SLC4A5: variants seen among roughly 807,000 people sequenced by gnomAD.
SLC4A5 encodes electrogenic sodium bicarbonate cotransporter 4.
A neutral mutation model predicts 120.4 loss-of-function variants in SLC4A5; 96 were observed. The ratio of observed to expected loss-of-function variants is 0.80; its 90% CI spans 0.68 to 0.94. The LOEUF is 0.94. SLC4A5 is among the 40% of genes least tolerant of loss of function. SLC4A5 has a pLI of 0.00. For missense variants in SLC4A5, 1,259 were observed against 1,459.5 expected (o/e 0.86, Z 2.24); for synonymous variants, 550 against 571.1 (o/e 0.96, Z 0.53).
chr2:74,226,860 G>T, intron 27 of SLC4A5, 97 bp downstream of exon 27: 1 of 1,414,808 alleles, frequency 7.1e-7, no homozygotes, highest in Non-Finnish European at 9.7e-7. Flanking sequence ...ACAGCTGACA[G>T]GAAGGCAGAA....
chr2:74,323,141 G>A (rs996486703), intron 5 of SLC4A5, among the ~76,000 whole-genome samples: 14 of 152,230 alleles, frequency 9.2e-5, no homozygotes, highest in Admixed American at 3.3e-4. Flanking sequence ...TTGGGAGGCT[G>A]AGACACGACA....
chr2:74,307,485 G>T, intron 6 of SLC4A5: 1 of 623,504 alleles, frequency 1.6e-6, no homozygotes, highest in South Asian at 1.4e-5. Context: ...GCTCTCTACA[G>T]ACTAGCGCAT....
At chr2:74,335,869 T>C (rs1673474802) in intron 3 of SLC4A5, among the ~76,000 whole-genome samples, 1 of 152,154 alleles carries the variant, frequency 6.6e-6, no homozygotes, top group Non-Finnish European at 1.5e-5. Context: ...ATAGGGCAAA[T>C]ATGCTTAAGT....
exon 17 of SLC4A5, chr2:74,250,510 C>G (rs201823142): frequency 5.6e-6 from 9 of 1,614,120 alleles, no homozygotes; most frequent in Admixed American, 1.7e-5. Flanking sequence ...CACAGGCCAC[C>G]GAAGAACCTG....
chr2:74,233,573 A>G lies in SLC4A5; in HGVS notation c.2434-10T>C. The G allele has an allele frequency of 6.2e-7, 1 of 1,605,216 alleles. No individual in the cohort carries two copies. Among genetic ancestry groups the G allele is most frequent in the Non-Finnish European group, 8.5e-7 (1 of 1,174,728 alleles). ...GGTCAGGCCGCGTTGGCTGAGTGGG[A>G]GCAAACAGAGAGGGGCCCTTTCCTC... On this transcript the variant is annotated splice_polypyrimidine_tract_variant and intron_variant, in intron 22 of 30. Transcript: ENST00000394019.
In SLC4A5 at chr2:74,332,822, C is replaced by T. The variant is rs114326212; in HGVS notation, c.-70+1205G>A. Among the ~76,000 whole-genome samples the T allele has an allele frequency of 1.1e-3, 167 of 152,174 alleles. 1 individual carries two copies. Among genetic ancestry groups the T allele is most frequent in the African/African-American group, 3.8e-3 (156 of 41,506 alleles). ...ATGTGTATGGCCAACCTCATCCCTG[C>T]CCTTCCCTGTGGTTTAGTTTTGTAA... On this transcript the variant is annotated intron_variant, in intron 4 of 30. Coordinates refer to ENST00000394019, the Ensembl canonical transcript of SLC4A5.
At position 74,324,858 on chromosome 2, in the gene SLC4A5, T is replaced by C. The variant is rs564774783; in HGVS notation, c.-3+3262A>G. Among the ~76,000 whole-genome samples the C allele has an allele frequency of 2.8e-4, 43 of 152,238 alleles. No homozygotes were observed. The Middle Eastern group carries it at 0.027, about 96-fold the overall frequency. On this transcript the variant is annotated intron_variant, in intron 5 of 30. Coordinates refer to ENST00000394019, the Ensembl canonical transcript of SLC4A5. ...TCCTTAACTGGGCCAATCAGAATTC[T>C]TCCCAGGACATTTCTGCTTGATTCA...
intron 6 of SLC4A5, among the ~76,000 whole-genome samples, chr2:74,305,092 C>G (rs1672601985): frequency 6.6e-6 from 1 of 152,162 alleles, no homozygotes; most frequent in Non-Finnish European, 1.5e-5. Flanking sequence ...GCCATTTTTA[C>G]TAACAATCAA....
chr2:74,255,666 C>G lies in SLC4A5; in HGVS notation c.1025+109G>C, dbSNP rs773848990. 4 of 1,292,870 alleles carry G rather than the reference C, an allele frequency of 3.1e-6. No homozygotes were observed. In the African/African-American group the frequency reaches 4.4e-5, roughly 14 times the overall value. The allele number at this position is 1,292,870 out of a possible 1,614,324, so 80.1% of individuals were successfully genotyped here. A position where few individuals can be genotyped will look rare whatever the true frequency, so the allele number is the denominator to read the frequency against. On this transcript the variant is annotated intron_variant, in intron 13 of 30. Coordinates refer to ENST00000394019, the Ensembl canonical transcript of SLC4A5. This position sits in a 1 kb window ranked among gnomAD's most constrained non-coding sequence, Gnocchi z 4.0. ...AGATTTCCCTTCCCAGCAGCCTCCA[C>G]GTTTAGAGGTGCCTTTGAGAACACT... is the stretch of plus-strand genomic sequence containing the variant.
chr2:74,247,663 C>T (rs570055781), intron 18 of SLC4A5, among the ~76,000 whole-genome samples: 6 of 151,932 alleles, frequency 3.9e-5, no homozygotes, highest in African/African-American at 7.3e-5. Flanking sequence ...TACAGGCACC[C>T]GCCGCCACGC....
At chr2:74,296,939 C>T (rs1018556865) in intron 7 of SLC4A5, among the ~76,000 whole-genome samples, 9 of 152,178 alleles carry the variant, frequency 5.9e-5, no homozygotes, top group African/African-American at 2.2e-4. Flanking sequence ...AAAAGAAAGA[C>T]AACATGAAAC....
intron 8 of SLC4A5, 119 bp downstream of exon 8, chr2:74,285,654 G>A (rs1671958207): frequency 8.3e-7 from 1 of 1,204,460 alleles, no homozygotes; most frequent in South Asian, 1.4e-5. Flanking sequence ...CAGCTGGGAG[G>A]GTCTTTGTGG....
At chr2:74,326,444 A>G (rs1673218191) in intron 5 of SLC4A5, among the ~76,000 whole-genome samples, 1 of 152,192 alleles carries the variant, frequency 6.6e-6, no homozygotes, top group Admixed American at 6.5e-5. Context: ...TCCTGAGTCA[A>G]AAGTCACTTT....
intron 8 of SLC4A5, among the ~76,000 whole-genome samples, chr2:74,282,300 C>T (rs905307213): frequency 1.3e-4 from 20 of 152,198 alleles, no homozygotes; most frequent in Admixed American, 9.2e-4. Context: ...GAGCAGAAGT[C>T]GAGAAAGCTA....
intron 18 of SLC4A5, 56 bp from the exon 19 acceptor site, chr2:74,247,363 G>A: frequency 6.5e-7 from 1 of 1,545,490 alleles, no homozygotes; most frequent in Non-Finnish European, 8.7e-7. Context: ...GGCTGTGCTT[G>A]ACTCCTCAGA....
chr2:74,229,264 G>GC (rs1235725276), intron 25 of SLC4A5, among the ~76,000 whole-genome samples: 2 of 147,454 alleles, frequency 1.4e-5, no homozygotes, highest in African/African-American at 2.6e-5. Context: ...TTTTTTGGGG[G>GC]GGGCACGGAG....
intron 5 of SLC4A5, among the ~76,000 whole-genome samples, chr2:74,323,664 AAGAC>A (rs1478041172): frequency 1.3e-5 from 2 of 152,220 alleles, no homozygotes; most frequent in African/African-American, 4.8e-5. Context: ...GCAAAGAAAA[AAGAC>A]AGCAATGAGA....
rs575778907 is a variant in SLC4A5, at chr2:74,228,272, G to A, written c.2848-394C>T. ...CCCCTAAAACTGCTCAGCCTGCAGGGGCATGGGGACTTTTAATGAGCTGAT... is the reference window on the plus strand; with the variant it reads ...CCCCTAAAACTGCTCAGCCTGCAGGAGCATGGGGACTTTTAATGAGCTGAT... On this transcript the variant is annotated intron_variant, in intron 25 of 30. Transcript: ENST00000394019. 4.6e-5 allele frequency among the ~76,000 whole-genome samples: 7 copies of A among 152,280 alleles called. No homozygotes were observed. In the South Asian group the frequency reaches 1.4e-3, roughly 32 times the overall value.
At chr2:74,217,339 G>T (rs941107932) in exon 31 of SLC4A5, 2 of 152,172 alleles carry the variant, frequency 1.3e-5, no homozygotes, top group African/African-American at 4.8e-5. Flanking sequence ...AATGTGGATT[G>T]AAGATAAAAT....
Sources: gnomAD v4.1 joint callset for allele counts (sites outside exome capture counted in the v4.1 genomes callset) on GRCh38, gnomAD v4.1.1 for gene constraint, Gnocchi (gnomAD v3.1) non-coding constraint, MANE v1.5 for transcripts, NCBI Gene and HGNC (gene_info 2026-07-23, HGNC 2026-07-21) for gene names.